P2RX5: variants seen among roughly 807,000 people sequenced by gnomAD.
P2RX5 encodes the protein P2X purinoceptor 5.
P2RX5 carries 46 observed loss-of-function variants against 54.1 expected under a neutral mutation model. The ratio of observed to expected loss-of-function variants is 0.85; its 90% CI spans 0.67 to 1.09. The LOEUF is 1.09. Ranked by LOEUF, P2RX5 falls within the 50% of genes least tolerant of loss-of-function variation. P2RX5 has a pLI of 0.00. For synonymous variants in P2RX5, 226 were observed against 226.4 expected (o/e 1.00, Z 0.02); for missense variants, 566 against 549.8 (o/e 1.03, Z -0.29).
the P2RX5 span, chr17:3,723,804 C>CGTCCCG: frequency 6.3e-7 from 1 of 1,588,466 alleles, no homozygotes; most frequent in Non-Finnish European, 8.6e-7. Context: ...TTTTCCGTCC[C>CGTCCCG]GTCCCGGCCC....
the P2RX5 span, among the ~76,000 whole-genome samples, chr17:3,711,305 C>A: frequency 2.0e-5 from 3 of 148,970 alleles, no homozygotes; most frequent in Non-Finnish European, 4.4e-5. Flanking sequence ...AAATTGGCCA[C>A]GTTATTTAGA....
the P2RX5 span, among the ~76,000 whole-genome samples, chr17:3,703,152 A>G: frequency 6.6e-6 from 1 of 152,120 alleles, no homozygotes; most frequent in Non-Finnish European, 1.5e-5. Flanking sequence ...GCGAGAATGT[A>G]TGGTGCAATG....
At chr17:3,719,246 AAAAAAAAAAAG>A in the P2RX5 span, among the ~76,000 whole-genome samples, 2 of 145,666 alleles carry the variant, frequency 1.4e-5, no homozygotes, top group African/African-American at 5.1e-5. Context: ...AAAAAAAAAA[AAAAAAAAAAAG>A]AAAAGAAAAG....
At chr17:3,707,205 G>A in the P2RX5 span, among the ~76,000 whole-genome samples, 5 of 152,298 alleles carry the variant, frequency 3.3e-5, no homozygotes, top group East Asian at 7.7e-4. Flanking sequence ...GCAGAAACTA[G>A]GTGGTGGGCA....
At chr17:3,688,427 C>T (rs115008456) in intron 8 of P2RX5, among the ~76,000 whole-genome samples, 199 bp downstream of exon 8, 1,956 of 152,310 alleles carry the variant, frequency 0.013, 40 homozygotes, top group African/African-American at 0.044. Flanking sequence ...CAAGAACACG[C>T]GCTCTCCTCT....
chr17:3,713,344 AGT>A, the P2RX5 span, among the ~76,000 whole-genome samples: 9 of 152,122 alleles, frequency 5.9e-5, no homozygotes, highest in African/African-American at 2.2e-4. Flanking sequence ...TGGGCAACAC[AGT>A]GAGACCCCCC....
In P2RX5 at chr17:3,696,133, G is replaced by A; in HGVS notation, c.-128C>T. 9.7e-7 allele frequency: 1 copy of A among 1,027,968 alleles called. No homozygotes were observed. The highest frequency in any genetic ancestry group is 4.3e-5 in the Admixed American group (1 of 23,350). The allele number at this position is 1,027,968 out of a possible 1,614,324, so 63.7% of individuals were successfully genotyped here. The stretch of plus-strand genomic sequence containing the variant: ...CTGCGCCCGCTCAGCTGCAGCCCGG[G>A]GTGTCCGGCAGGGCTGCGGGGCGCG... On this transcript the variant is annotated 5_prime_UTR_variant, in exon 1 of 12. Transcript: ENST00000225328.
the P2RX5 span, among the ~76,000 whole-genome samples, chr17:3,706,666 AG>A: frequency 6.6e-6 from 1 of 151,996 alleles, no homozygotes; most frequent in Admixed American, 6.6e-5. Flanking sequence ...CGGAGCAAGG[AG>A]CCAGTGTGAT....
chr17:3,714,592 CTAAG>C, the P2RX5 span: 6 of 339,426 alleles, frequency 1.8e-5, no homozygotes, highest in African/African-American at 8.5e-5. Flanking sequence ...ACTGCAAATC[CTAAG>C]TAATACTGTA....
chr17:3,689,920 GCACGCGCACA>G (rs1314500410), intron 6 of P2RX5, 140 bp downstream of exon 6: 1 of 841,772 alleles, frequency 1.2e-6, no homozygotes, highest in African/African-American at 1.7e-5. Flanking sequence ...ACAGACACAT[GCACGCGCACA>G]CACGCACACA....
chr17:3,685,187 G>T (rs1013875386), intron 9 of P2RX5, among the ~76,000 whole-genome samples: 5 of 152,090 alleles, frequency 3.3e-5, no homozygotes, highest in African/African-American at 1.2e-4. Flanking sequence ...AGAGACTTTA[G>T]AAGTTCAGGG....
the P2RX5 span, among the ~76,000 whole-genome samples, chr17:3,711,601 C>G: frequency 6.6e-6 from 1 of 152,028 alleles, no homozygotes; most frequent in East Asian, 1.9e-4. Flanking sequence ...AGGCTGCTCT[C>G]AAGCTCCCGA....
the P2RX5 span, among the ~76,000 whole-genome samples, chr17:3,713,734 G>A: frequency 7.0e-6 from 1 of 142,108 alleles, no homozygotes; most frequent in African/African-American, 2.7e-5. Context: ...TGGGCAGTAA[G>A]AGCAAAACTC....
intron 1 of P2RX5, among the ~76,000 whole-genome samples, chr17:3,694,506 G>A (rs2050704179): frequency 6.6e-6 from 1 of 152,040 alleles, no homozygotes; most frequent in Admixed American, 6.6e-5. Flanking sequence ...GCGCCCGGCC[G>A]CCAATTTCCT....
chr17:3,690,910 C>T (rs200779807), intron 3 of P2RX5, 46 bp downstream of exon 3: 171 of 1,518,710 alleles, frequency 1.1e-4, no homozygotes, highest in Admixed American at 2.1e-4. Flanking sequence ...CAACCACTGC[C>T]GGTGGCTCTC....
intron 6 of P2RX5, among the ~76,000 whole-genome samples, 180 bp from the exon 7 acceptor site, chr17:3,689,810 C>A (rs2050551200): frequency 6.6e-6 from 1 of 152,054 alleles, no homozygotes; most frequent in South Asian, 2.1e-4. Context: ...ATGCAGACAT[C>A]ACCCACTCAC....
At chr17:3,707,365 T>C in the P2RX5 span, among the ~76,000 whole-genome samples, 2 of 152,294 alleles carry the variant, frequency 1.3e-5, no homozygotes, top group African/African-American at 4.8e-5. Flanking sequence ...CTAGAGGTAC[T>C]GGTGTCCTTA....
the P2RX5 span, among the ~76,000 whole-genome samples, chr17:3,715,415 G>T: frequency 1.3e-5 from 2 of 152,150 alleles, no homozygotes; most frequent in Non-Finnish European, 2.9e-5. Context: ...ACACACAGAA[G>T]CCAGCACAGA....
chr17:3,677,952 G>A (rs2050141378), intron 11 of P2RX5: 1 of 985,262 alleles, frequency 1.0e-6, no homozygotes, highest in South Asian at 4.7e-5. Context: ...CAAAGTTCAG[G>A]AGAGATGGCT....
Sources: allele counts gnomAD v4.1 joint callset (sites outside exome capture counted in the v4.1 genomes callset), GRCh38; gene constraint gnomAD v4.1.1; transcripts MANE v1.5; gene names NCBI Gene and HGNC (gene_info 2026-07-23, HGNC 2026-07-21).